C2orf76: variants seen among roughly 807,000 people sequenced by gnomAD.
C2orf76 encodes chromosome 2 open reading frame 76.
In C2orf76, 23 loss-of-function variants were observed where a neutral mutation model predicts 16.9. That is an observed-to-expected ratio of 1.36 (90% confidence interval 0.98 to 1.93). The LOEUF (loss-of-function observed/expected upper bound fraction) is 1.93, where lower values mean the gene tolerates loss of function less well. Among genes scored for constraint, C2orf76 ranks in the 30% most tolerant of loss-of-function variants. The pLI, the probability that C2orf76 is intolerant of heterozygous loss-of-function variation, is 0.00. For synonymous variants in C2orf76, 48 were observed against 52.3 expected (o/e 0.92, Z 0.35); for missense variants, 152 against 152.6 (o/e 1.00, Z 0.02).
At chr2:119,300,454 A>G (rs1678599965), downstream of C2orf76, among the ~76,000 whole-genome samples, 1 of 152,122 alleles carries the variant, frequency 6.6e-6, no homozygotes, top group Non-Finnish European at 1.5e-5. Flanking sequence ...CCATCTACCT[A>G]CTAGATACCG....
intron 1 of C2orf76, among the ~76,000 whole-genome samples, chr2:119,351,746 C>A (rs1008638316): frequency 1.4e-4 from 21 of 151,618 alleles, no homozygotes; most frequent in African/African-American, 5.1e-4. Flanking sequence ...GGCAACAGAG[C>A]GAGATCCTGT....
At chr2:119,339,614 T>C (rs1679959569) in intron 2 of C2orf76, among the ~76,000 whole-genome samples, 1 of 149,466 alleles carries the variant, frequency 6.7e-6, no homozygotes, top group African/African-American at 2.5e-5. Flanking sequence ...ACGGTCACAA[T>C]CCCTCATGAG....
the C2orf76 span, among the ~76,000 whole-genome samples, chr2:119,288,258 G>A: frequency 2.7e-5 from 4 of 149,484 alleles, no homozygotes; most frequent in South Asian, 2.2e-4. Context: ...CCGGGTTCCC[G>A]CCATTCTCCT....
chr2:119,282,761 G>C, the C2orf76 span, among the ~76,000 whole-genome samples: 1 of 152,142 alleles, frequency 6.6e-6, no homozygotes, highest in South Asian at 2.1e-4. Context: ...TGCATAATCG[G>C]TTCAACAGCA....
chr2:119,294,499 G>A, the C2orf76 span, among the ~76,000 whole-genome samples: 1 of 152,176 alleles, frequency 6.6e-6, no homozygotes, highest in Non-Finnish European at 1.5e-5. Context: ...CAACGCTGAA[G>A]TGTGCTCATT....
chr2:119,366,596 C>G lies in C2orf76; in HGVS notation c.-13+194G>C, dbSNP rs192422055. On this transcript the variant is annotated intron_variant, in intron 1 of 5. Coordinates refer to ENST00000334816, the MANE Select transcript of C2orf76 (RefSeq NM_001322331.2). The stretch of plus-strand genomic sequence containing the variant: ...TTCCCAGGTCTCAGAGTTTACTTGT[C>G]CAGAGATGCAACTTCCGGCCTCTTC... 1,585 of 450,924 alleles carry G rather than the reference C, an allele frequency of 3.5e-3. 14 individuals are homozygous for G. The highest frequency in any genetic ancestry group is 4.8e-3 in the Non-Finnish European group (1,074 of 222,606). 27.9% of individuals were successfully genotyped at this position (450,924 alleles called of 1,614,324 possible). A position where few individuals can be genotyped will look rare whatever the true frequency, so the allele number is the denominator to read the frequency against.
intron 1 of C2orf76, among the ~76,000 whole-genome samples, chr2:119,350,801 A>G (rs1177498332): frequency 1.3e-5 from 2 of 152,170 alleles, no homozygotes; most frequent in Non-Finnish European, 2.9e-5. Flanking sequence ...TCCCCTTCCC[A>G]AGCTGGCTGG....
At chr2:119,325,641 T>C (rs1165186953) in intron 2 of C2orf76, among the ~76,000 whole-genome samples, 1 of 151,986 alleles carries the variant, frequency 6.6e-6, no homozygotes, top group Non-Finnish European at 1.5e-5. Flanking sequence ...AAATGATAAA[T>C]CATTTTCCAG....
the C2orf76 span, among the ~76,000 whole-genome samples, chr2:119,296,039 G>A: frequency 6.6e-6 from 1 of 152,174 alleles, no homozygotes; most frequent in Non-Finnish European, 1.5e-5. Context: ...TTGGGGATGG[G>A]GAAAGTGGTC....
At chr2:119,351,954 T>C (rs1225241915) in intron 1 of C2orf76, among the ~76,000 whole-genome samples, 1 of 152,224 alleles carries the variant, frequency 6.6e-6, no homozygotes, top group Non-Finnish European at 1.5e-5. Flanking sequence ...TAGGATTGAC[T>C]GTACTACCTA....
chr2:119,319,182 G>A (rs920734152), intron 3 of C2orf76, among the ~76,000 whole-genome samples: 2 of 152,084 alleles, frequency 1.3e-5, no homozygotes, highest in African/African-American at 4.8e-5. Flanking sequence ...TTTTGCTAAT[G>A]AGCCTTTAAA....
At chr2:119,334,735 G>C (rs114871978) in intron 2 of C2orf76, among the ~76,000 whole-genome samples, 1 of 151,176 alleles carries the variant, frequency 6.6e-6, no homozygotes, top group South Asian at 2.1e-4. Flanking sequence ...AGAAGTCAGA[G>C]GATACCAGGA....
At chr2:119,358,508 G>T (rs1340959339) in intron 1 of C2orf76, among the ~76,000 whole-genome samples, 1 of 151,076 alleles carries the variant, frequency 6.6e-6, no homozygotes, top group Non-Finnish European at 1.5e-5. Context: ...AATCCGGGAG[G>T]TGCAGATTGC....
At chr2:119,305,491 T>C (rs1418598798) in intron 5 of C2orf76, among the ~76,000 whole-genome samples, 4 of 152,238 alleles carry the variant, frequency 2.6e-5, no homozygotes, top group Non-Finnish European at 5.9e-5. Context: ...CCTAGCCTCA[T>C]GCTAGTCAGC....
At chr2:119,311,783 T>G in intron 4 of C2orf76, 80 bp from the exon 5 acceptor site, 1 of 1,285,804 alleles carries the variant, frequency 7.8e-7, no homozygotes, top group Admixed American at 2.2e-5. Context: ...GACACAGAGT[T>G]GTAACTCTGA....
chr2:119,324,253 C>A (rs1452679705), intron 2 of C2orf76, among the ~76,000 whole-genome samples: 1 of 152,212 alleles, frequency 6.6e-6, no homozygotes, highest in African/African-American at 2.4e-5. Flanking sequence ...AGAGAAGAGA[C>A]AACGACCAGG....
chr2:119,290,611 C>A, the C2orf76 span, among the ~76,000 whole-genome samples: 1 of 152,046 alleles, frequency 6.6e-6, no homozygotes, highest in African/African-American at 2.4e-5. Flanking sequence ...GGGTGGATCA[C>A]CTGAGGTAAG....
At chr2:119,334,379 C>CAAAAAAAAAAAAAAAAA (rs34753333) in intron 2 of C2orf76, among the ~76,000 whole-genome samples, 3 of 71,624 alleles carry the variant, frequency 4.2e-5, no homozygotes, top group Non-Finnish European at 7.4e-5. Context: ...GTATGCAAAG[C>CAAAAAAAAAAAAAAAAA]AAAAAAAAAA....
At chr2:119,346,753 A>G (rs1680215578) in intron 1 of C2orf76, among the ~76,000 whole-genome samples, 2 of 152,202 alleles carry the variant, frequency 1.3e-5, no homozygotes, top group Admixed American at 6.5e-5. Flanking sequence ...TACATGTGAT[A>G]TAACTGCACA....
Sources: gnomAD v4.1 joint callset for allele counts (sites outside exome capture counted in the v4.1 genomes callset) on GRCh38, gnomAD v4.1.1 for gene constraint, MANE v1.5 for transcripts, NCBI Gene and HGNC (gene_info 2026-07-23, HGNC 2026-07-21) for gene names.